PRRG1: variants seen among roughly 807,000 people sequenced by gnomAD.
The protein encoded by PRRG1 is transmembrane gamma-carboxyglutamic acid protein 1.
Under a neutral mutation model 11.8 loss-of-function variants are expected in PRRG1, and 5 were observed. The observed-to-expected ratio is 0.42, with a 90% CI of 0.22 to 0.89. The LOEUF (loss-of-function observed/expected upper bound fraction) is 0.89. Ranked by LOEUF, PRRG1 falls within the 40% of genes least tolerant of loss-of-function variation. The probability of loss-of-function intolerance (pLI) is 0.28; values close to 1 mark genes in which losing one functional copy is unlikely to be tolerated. For synonymous variants in PRRG1, 66 were observed against 60.4 expected (o/e 1.09, Z -0.43); for missense variants, 155 against 166.1 (o/e 0.93, Z 0.37).
chrX:37,441,001 T>C (rs1932966168), intron 3 of PRRG1: 4 of 829,094 alleles, frequency 4.8e-6, no homozygotes, highest in Non-Finnish European at 4.8e-6. Context: ...ACTCCTGGAC[T>C]CAAGTGATCC....
At chrX:37,403,782 C>T (rs1157938937) in intron 1 of PRRG1, 1 of 749,047 alleles carries the variant, frequency 1.3e-6, no homozygotes, top group African/African-American at 2.3e-5. Flanking sequence ...AAGGAGGTAA[C>T]CTGGGCCTGG....
At chrX:37,359,717 T>C (rs947222574) in intron 1 of PRRG1, among the ~76,000 whole-genome samples, 2 of 111,936 alleles carry the variant, frequency 1.8e-5, no homozygotes, top group African/African-American at 6.5e-5. Context: ...GTTTATTCCT[T>C]AAGTGTTCGG....
In PRRG1 at chrX:37,385,885, C is replaced by T. The variant is rs566257162; in HGVS notation, c.-41-20324C>T. Reference sequence around the variant, plus strand: ...AAGCGATACTCCTGCTTCAGCCTCCCGAGAAGCTGGGATTACAGATGCCTG... The same window carrying T: ...AAGCGATACTCCTGCTTCAGCCTCCTGAGAAGCTGGGATTACAGATGCCTG... On this transcript the variant is annotated intron_variant, in intron 1 of 3. Coordinates refer to ENST00000378628, the MANE Select transcript of PRRG1 (RefSeq NM_001142395.2). 1.2e-4 allele frequency among the ~76,000 whole-genome samples: 13 copies of T among 111,070 alleles called. 1 individual carries two copies. In the South Asian group the frequency reaches 4.4e-3, roughly 38 times the overall value.
intron 3 of PRRG1, among the ~76,000 whole-genome samples, chrX:37,444,204 T>G (rs1933033591): frequency 8.9e-6 from 1 of 112,088 alleles, no homozygotes; most frequent in Non-Finnish European, 1.9e-5. Context: ...CTGCCTGATT[T>G]GAGGATCTCT....
intron 3 of PRRG1, among the ~76,000 whole-genome samples, chrX:37,438,245 A>G (rs1389937963): frequency 1.8e-5 from 2 of 110,129 alleles, no homozygotes; most frequent in Non-Finnish European, 3.8e-5. Context: ...AGTATAAATA[A>G]TTATGGGTGG....
chrX:37,352,592 C>T (rs1186894709), intron 1 of PRRG1, among the ~76,000 whole-genome samples: 4 of 111,085 alleles, frequency 3.6e-5, no homozygotes, highest in Admixed American at 2.9e-4. Flanking sequence ...ATTCTTTGAC[C>T]GGTTAACCTC....
chrX:37,380,515 T>C (rs1931120168), intron 1 of PRRG1, among the ~76,000 whole-genome samples: 1 of 111,147 alleles, frequency 9.0e-6, no homozygotes, highest in South Asian at 3.8e-4. Context: ...CAGGTATGAT[T>C]ATTCACCTCT....
At chrX:37,384,565 C>CT (rs1381901652) in intron 1 of PRRG1, among the ~76,000 whole-genome samples, 1 of 111,749 alleles carries the variant, frequency 8.9e-6, no homozygotes, top group Non-Finnish European at 1.9e-5. Context: ...CTCCAAGACT[C>CT]TTATTTTCAC....
Position 37,451,238 on chromosome X carries a change from GA to G in PRRG1, c.172-1896del, listed in dbSNP as rs782518918. Reference sequence around the variant, plus strand: ...TCTCCATGTTGGTCAGGCCGGTCTCGAACTCTCCACCTCAGGTGATCGCCTG... The same window carrying G: ...TCTCCATGTTGGTCAGGCCGGTCTCGACTCTCCACCTCAGGTGATCGCCTG... On this transcript the variant is annotated intron_variant, in intron 3 of 3. Coordinates refer to ENST00000378628, the MANE Select transcript of PRRG1 (RefSeq NM_001142395.2). 1.3e-4 allele frequency among the ~76,000 whole-genome samples: 14 copies of G among 111,878 alleles called. No individual in the cohort carries two copies. In the Admixed American group the frequency reaches 1.3e-3, roughly 11 times the overall value.
At chrX:37,438,514 G>A (rs1357652839) in intron 3 of PRRG1, among the ~76,000 whole-genome samples, 1 of 95,522 alleles carries the variant, frequency 1.0e-5, no homozygotes, top group Non-Finnish European at 2.0e-5. Context: ...TCAGCTCACT[G>A]CAACCTCTGC....
intron 1 of PRRG1, among the ~76,000 whole-genome samples, chrX:37,398,009 C>CAT (rs1254550130): frequency 1.1e-5 from 1 of 93,680 alleles, no homozygotes; most frequent in Non-Finnish European, 2.0e-5. Context: ...CACACACACA[C>CAT]ACACACATAC....
chrX:37,446,137 A>C (rs782767082), intron 3 of PRRG1, among the ~76,000 whole-genome samples: 1 of 112,438 alleles, frequency 8.9e-6, no homozygotes, highest in African/African-American at 3.2e-5. Context: ...AATGAAAGCA[A>C]TATACTGTAT....
chrX:37,374,873 T>G (rs1930886325), intron 1 of PRRG1, among the ~76,000 whole-genome samples: 1 of 111,792 alleles, frequency 8.9e-6, no homozygotes, highest in African/African-American at 3.3e-5. Flanking sequence ...TTTAGTATGC[T>G]TTGTGATTTT....
intron 2 of PRRG1, among the ~76,000 whole-genome samples, chrX:37,424,721 G>A (rs1410040218): frequency 9.1e-6 from 1 of 109,470 alleles, no homozygotes; most frequent in African/African-American, 3.3e-5. Flanking sequence ...TCATCTAGCT[G>A]GTGTCAATTT....
At chrX:37,420,668 C>CAAAAAAAAAAAAAAAAAAAAAA (rs1302856034) in intron 2 of PRRG1, among the ~76,000 whole-genome samples, 1 of 29,529 alleles carries the variant, frequency 3.4e-5, no homozygotes, top group African/African-American at 1.4e-4. Flanking sequence ...CCCGTCTATG[C>CAAAAAAAAAAAAAAAAAAAAAA]AAAAAAAAAA....
intron 3 of PRRG1, chrX:37,441,472 C>A (rs781986349): frequency 1.3e-6 from 1 of 753,727 alleles, no homozygotes; most frequent in South Asian, 6.8e-5. Flanking sequence ...CAGCCAGCTA[C>A]TACTACCACA....
intron 1 of PRRG1, among the ~76,000 whole-genome samples, chrX:37,399,290 A>G (rs868931746): frequency 0.017 from 1,945 of 111,816 alleles, 44 homozygotes; most frequent in African/African-American, 0.055. Context: ...CTCTTGGCAG[A>G]AACTCTACAA....
chrX:37,354,750 A>T (rs1930186632), intron 1 of PRRG1, among the ~76,000 whole-genome samples: 1 of 111,086 alleles, frequency 9.0e-6, no homozygotes, highest in African/African-American at 3.3e-5. Flanking sequence ...GATAGGACTG[A>T]CAGAAGATGC....
At chrX:37,400,983 C>T (rs1390217167) in intron 1 of PRRG1, among the ~76,000 whole-genome samples, 4 of 110,635 alleles carry the variant, frequency 3.6e-5, no homozygotes, top group Admixed American at 2.9e-4. Flanking sequence ...GAAATTGTGG[C>T]AATAATCAAT....
Sources: allele counts gnomAD v4.1 joint callset (sites outside exome capture counted in the v4.1 genomes callset), GRCh38; gene constraint gnomAD v4.1.1; transcripts MANE v1.5; gene names NCBI Gene and HGNC (gene_info 2026-07-23, HGNC 2026-07-21).